The following RCAN2 variants were observed in gnomAD, a reference collection of about 807,000 sequenced individuals.
The protein encoded by RCAN2 is regulator of calcineurin 2.
RCAN2 carries 9 observed loss-of-function variants against 23.6 expected under a neutral mutation model. The observed-to-expected ratio is 0.38, with a 90% confidence interval of 0.23 to 0.67. The LOEUF is 0.67. RCAN2 is among the 30% of genes least tolerant of loss of function. RCAN2 has a pLI of 0.51. For synonymous variants in RCAN2, 109 were observed against 115.7 expected (o/e 0.94, Z 0.37); for missense variants, 273 against 302.3 (o/e 0.90, Z 0.72).
At chr6:46,355,270 C>G (rs1432668873) in intron 2 of RCAN2, among the ~76,000 whole-genome samples, 2 of 152,142 alleles carry the variant, frequency 1.3e-5, no homozygotes, top group Non-Finnish European at 2.9e-5. Flanking sequence ...ATGATGGAAA[C>G]TATGGAGTCT....
chr6:46,261,329 C>A (rs1767100227), intron 2 of RCAN2, among the ~76,000 whole-genome samples: 1 of 152,144 alleles, frequency 6.6e-6, no homozygotes. Flanking sequence ...AAATGCTGGT[C>A]CCAGCTGTGC....
At chr6:46,387,586 TA>T (rs1765795364) in intron 2 of RCAN2, among the ~76,000 whole-genome samples, 1 of 152,102 alleles carries the variant, frequency 6.6e-6, no homozygotes, top group African/African-American at 2.4e-5. Context: ...TGGTGATCAT[TA>T]AAAAGTCAGG....
At chr6:46,451,878 G>A (rs947553978) in intron 2 of RCAN2, among the ~76,000 whole-genome samples, 2 of 152,046 alleles carry the variant, frequency 1.3e-5, no homozygotes, top group African/African-American at 4.8e-5. Flanking sequence ...TTTAATGGTT[G>A]GCAGAATTAC....
intron 4 of RCAN2, among the ~76,000 whole-genome samples, chr6:46,225,165 C>G (rs1358896234): frequency 6.6e-6 from 1 of 152,192 alleles, no homozygotes; most frequent in East Asian, 1.9e-4. Context: ...GCCACCTTTT[C>G]TTAATCCAGT....
intron 1 of RCAN2, among the ~76,000 whole-genome samples, chr6:46,459,003 T>C (rs540054228): frequency 9.7e-4 from 148 of 152,366 alleles, no homozygotes; most frequent in African/African-American, 3.5e-3. Flanking sequence ...GTGATTCTCC[T>C]GCCTCAGCCT....
intron 4 of RCAN2, among the ~76,000 whole-genome samples, chr6:46,240,078 G>C (rs969636129): frequency 6.6e-6 from 1 of 152,122 alleles, no homozygotes; most frequent in Admixed American, 6.6e-5. Context: ...ATGAAGAAAG[G>C]GGGAGCTGCC....
In RCAN2 at chr6:46,223,038, C is replaced by G. The variant is rs1765527129; in HGVS notation, c.*103G>C. ...TTGATAACAAGGAAGGAATCTCAAACAACCAAACACCCAGGAATTTAAAGG... is the reference window on the plus strand; with the variant it reads ...TTGATAACAAGGAAGGAATCTCAAAGAACCAAACACCCAGGAATTTAAAGG... On this transcript the variant is annotated 3_prime_UTR_variant, in exon 5 of 5. Coordinates refer to ENST00000371374, the MANE Select transcript of RCAN2 (RefSeq NM_001251974.2). 1.6e-6 allele frequency: 2 copies of G among 1,272,722 alleles called. No individual in the cohort carries two copies. Among genetic ancestry groups the G allele is most frequent in the Admixed American group, 2.1e-5 (1 of 47,472 alleles). The allele number at this position is 1,272,722 out of a possible 1,614,324, so 78.8% of individuals were successfully genotyped here.
intron 2 of RCAN2, among the ~76,000 whole-genome samples, chr6:46,270,199 A>C (rs928825338): frequency 6.6e-6 from 1 of 152,086 alleles, no homozygotes; most frequent in African/African-American, 2.4e-5. Flanking sequence ...ATAGGGCCCC[A>C]GGACTAAGCC....
At chr6:46,327,855 A>C (rs1763844253) in intron 2 of RCAN2, among the ~76,000 whole-genome samples, 1 of 152,204 alleles carries the variant, frequency 6.6e-6, no homozygotes, top group African/African-American at 2.4e-5. Context: ...GAAGACATGC[A>C]TGTAATCTGC....
chr6:46,231,198 G>A lies in RCAN2; in HGVS notation c.572-7897C>T, dbSNP rs559757959. Reference sequence around the variant, plus strand: ...CACCCTTATAGAAAAAGGAAGTTTGGACATTGACATATACATAGGGAGAAT... The same window carrying A: ...CACCCTTATAGAAAAAGGAAGTTTGAACATTGACATATACATAGGGAGAAT... On this transcript the variant is annotated intron_variant, in intron 4 of 4. Transcript: ENST00000371374. Among the ~76,000 whole-genome samples the A allele has an allele frequency of 9.2e-5, 14 of 152,240 alleles. No homozygotes were observed. The South Asian group carries it at 2.5e-3, about 27-fold the overall frequency.
intron 2 of RCAN2, among the ~76,000 whole-genome samples, chr6:46,301,209 C>T (rs1394745635): frequency 1.3e-5 from 2 of 152,030 alleles, no homozygotes; most frequent in East Asian, 3.9e-4. Context: ...TGAAACATAC[C>T]CTACTAACAT....
intron 2 of RCAN2, among the ~76,000 whole-genome samples, chr6:46,330,782 T>G (rs1763941786): frequency 6.6e-6 from 1 of 152,208 alleles, no homozygotes; most frequent in African/African-American, 2.4e-5. Context: ...TTGTTGGTGG[T>G]GATGAAGCCA....
At chr6:46,446,623 A>G (rs984533127) in intron 2 of RCAN2, among the ~76,000 whole-genome samples, 3 of 152,202 alleles carry the variant, frequency 2.0e-5, no homozygotes, top group African/African-American at 7.2e-5. Flanking sequence ...CAAAGACTAA[A>G]TTATAAAAAT....
intron 1 of RCAN2, among the ~76,000 whole-genome samples, chr6:46,485,201 A>G (rs1768965846): frequency 6.6e-6 from 1 of 152,238 alleles, no homozygotes; most frequent in Non-Finnish European, 1.5e-5. Flanking sequence ...ATGTTCAACA[A>G]TAGAGGAAAG....
chr6:46,457,037 T>G, intron 1 of RCAN2, 59 bp from the exon 2 acceptor site: 1 of 1,248,116 alleles, frequency 8.0e-7, no homozygotes, highest in South Asian at 1.4e-5. Flanking sequence ...AACTCAGTTT[T>G]CGGGTCACAG....
At chr6:46,456,076 G>C (rs1202829589) in intron 2 of RCAN2, among the ~76,000 whole-genome samples, 1 of 152,146 alleles carries the variant, frequency 6.6e-6, no homozygotes, top group Non-Finnish European at 1.5e-5. Flanking sequence ...TATTTACTGT[G>C]ATTGCCAAAA....
intron 2 of RCAN2, among the ~76,000 whole-genome samples, chr6:46,322,215 G>A (rs1367673934): frequency 2.6e-5 from 4 of 152,152 alleles, no homozygotes; most frequent in Non-Finnish European, 4.4e-5. Context: ...TGAGAATACT[G>A]GAGAACATCA....
chr6:46,369,934 A>T (rs1765282102), intron 2 of RCAN2, among the ~76,000 whole-genome samples: 1 of 152,186 alleles, frequency 6.6e-6, no homozygotes, highest in African/African-American at 2.4e-5. Context: ...CTTAGAGGGT[A>T]GGGTGTTCCA....
intron 2 of RCAN2, among the ~76,000 whole-genome samples, chr6:46,385,853 T>A (rs1320935952): frequency 2.4e-5 from 2 of 82,222 alleles, no homozygotes; most frequent in Non-Finnish European, 2.1e-5. Context: ...CAAGACTCTC[T>A]CTCTCTCAAA....
Sources: gnomAD v4.1 joint callset for allele counts (sites outside exome capture counted in the v4.1 genomes callset) on GRCh38, gnomAD v4.1.1 for gene constraint, MANE v1.5 for transcripts, NCBI Gene and HGNC (gene_info 2026-07-23, HGNC 2026-07-21) for gene names.